ADAM17: variants seen among roughly 807,000 people sequenced by gnomAD.
ADAM17 encodes the protein ADAM metallopeptidase domain 17.
In ADAM17, 39 loss-of-function variants were observed where a neutral mutation model predicts 96.7. The ratio of observed to expected loss-of-function variants is 0.40; its 90% CI spans 0.31 to 0.53. The LOEUF is 0.53. Among genes scored for constraint, ADAM17 ranks in the 20% least tolerant of loss-of-function variants. The pLI is 0.44. For synonymous variants in ADAM17, 344 were observed against 359.2 expected, an observed-to-expected ratio of 0.96 and a Z score of 0.48; for missense variants, 777 against 1,013.2, an observed-to-expected ratio of 0.77 and a Z score of 3.17.
intron 12 of ADAM17, 134 bp downstream of exon 12, chr2:9,505,032 A>C (rs1663300605): frequency 6.0e-6 from 6 of 1,005,056 alleles, no homozygotes; most frequent in Non-Finnish European, 8.8e-6. Flanking sequence ...TGTGAAGGGC[A>C]AAAGAGGTAG....
intron 14 of ADAM17, among the ~76,000 whole-genome samples, chr2:9,495,207 G>A (rs932159292): frequency 6.6e-6 from 1 of 152,184 alleles, no homozygotes; most frequent in Non-Finnish European, 1.5e-5. Context: ...GTCCACCCTT[G>A]GGTGGGGAGC....
rs1662343244 is a variant in ADAM17 at position 9,493,746 on chromosome 2, C to T, written c.1993+1G>A. The T allele has an allele frequency of 6.2e-7, 1 of 1,613,056 alleles. No individual in the cohort carries two copies. The highest frequency in any genetic ancestry group is 8.5e-7 in the Non-Finnish European group (1 of 1,179,212). ...GTAAGTAATCTGGGGAAATCACCTA[C>T]CAAAAGTATTGATGCTCAGCTGGTC... On this transcript the variant is annotated splice_donor_variant, in intron 16 of 18. Coordinates refer to ENST00000310823, the MANE Select transcript of ADAM17 (RefSeq NM_003183.6). LOFTEE classifies it high-confidence loss of function.
chr2:9,491,189 A>G, intron 17 of ADAM17, 38 bp from the exon 18 acceptor site: 1 of 1,580,764 alleles, frequency 6.3e-7, no homozygotes, highest in Non-Finnish European at 8.7e-7. Context: ...CCCTACAAAT[A>G]CAATTCAGTT....
chr2:9,533,515 C>G (rs886472884), intron 4 of ADAM17, among the ~76,000 whole-genome samples: 1 of 152,160 alleles, frequency 6.6e-6, no homozygotes, highest in Non-Finnish European at 1.5e-5. Context: ...CCACTGCACT[C>G]CAGCCTGGTA....
chr2:9,509,138 C>T (rs747310655), intron 11 of ADAM17, among the ~76,000 whole-genome samples: 3 of 152,164 alleles, frequency 2.0e-5, no homozygotes, highest in Non-Finnish European at 4.4e-5. Context: ...CACAGCCAAG[C>T]TCAAAATAGG....
At chr2:9,529,029 C>T (rs1664635395) in intron 4 of ADAM17, among the ~76,000 whole-genome samples, 1 of 152,130 alleles carries the variant, frequency 6.6e-6, no homozygotes, top group Admixed American at 6.5e-5. Context: ...CCATCAACAA[C>T]TAATCAATGA....
chr2:9,552,081 T>C (rs1354122947), intron 1 of ADAM17, among the ~76,000 whole-genome samples: 1 of 152,222 alleles, frequency 6.6e-6, no homozygotes, highest in Non-Finnish European at 1.5e-5. Flanking sequence ...AACCCATATA[T>C]GAAAAGCCTT....
At chr2:9,555,288 T>TG (rs1665705372) in intron 1 of ADAM17, among the ~76,000 whole-genome samples, 1 of 152,192 alleles carries the variant, frequency 6.6e-6, no homozygotes, top group Non-Finnish European at 1.5e-5. Context: ...AGTCACTACA[T>TG]GGAGCCCGTC....
chr2:9,533,076 C>A (rs528305412), intron 4 of ADAM17, among the ~76,000 whole-genome samples: 1 of 151,916 alleles, frequency 6.6e-6, no homozygotes, highest in Non-Finnish European at 1.5e-5. Context: ...GTAATTCCAG[C>A]TACTCAAGGG....
intron 15 of ADAM17, 109 bp from the exon 16 acceptor site, chr2:9,493,934 C>A: frequency 2.3e-6 from 2 of 873,398 alleles, no homozygotes; most frequent in South Asian, 1.8e-5. Flanking sequence ...TAAAATCAAA[C>A]GTTTTCCCAT....
chr2:9,526,709 T>G (rs564966249), intron 5 of ADAM17, among the ~76,000 whole-genome samples: 4 of 152,170 alleles, frequency 2.6e-5, no homozygotes, highest in Admixed American at 2.0e-4. Context: ...GGCAGGAGAA[T>G]CACTTCAACC....
In ADAM17 at chr2:9,532,170, T is replaced by C. The variant is rs748773971; in HGVS notation, c.450+3664A>G. On this transcript the variant is annotated intron_variant, in intron 4 of 18. Transcript: ENST00000310823. ...ATATATATTTTTTCCTGCTCACTTA[T>C]ATTCCTAAGATATTAGTGCAGATAG... is the stretch of plus-strand genomic sequence containing the variant. Among the ~76,000 whole-genome samples the C allele has an allele frequency of 7.2e-5, 11 of 152,216 alleles. 1 individual carries two copies. The highest frequency in any genetic ancestry group is 1.3e-4 in the Non-Finnish European group (9 of 68,042).
intron 4 of ADAM17, among the ~76,000 whole-genome samples, chr2:9,534,679 G>A (rs1268593710): frequency 1.3e-5 from 2 of 151,968 alleles, no homozygotes; most frequent in East Asian, 3.9e-4. Context: ...AAAATAGTGG[G>A]TATAACTATA....
intron 10 of ADAM17, among the ~76,000 whole-genome samples, chr2:9,514,893 C>A (rs563494599): frequency 2.8e-4 from 43 of 152,112 alleles, no homozygotes; most frequent in Admixed American, 9.8e-4. Flanking sequence ...AAAGGAGGAT[C>A]TCGCTAAGTT....
intron 1 of ADAM17, among the ~76,000 whole-genome samples, chr2:9,545,756 G>A (rs1665381553): frequency 1.3e-5 from 2 of 152,052 alleles, no homozygotes; most frequent in Non-Finnish European, 2.9e-5. Context: ...CAAAGACAGG[G>A]GAAAAAATCT....
intron 1 of ADAM17, among the ~76,000 whole-genome samples, chr2:9,544,071 A>G (rs990887146): frequency 3.3e-5 from 5 of 152,154 alleles, no homozygotes; most frequent in African/African-American, 1.2e-4. Context: ...ACAACTGCCA[A>G]GAGACACCCC....
At chr2:9,504,461 T>A (rs1449895398) in intron 12 of ADAM17, among the ~76,000 whole-genome samples, 10 of 127,118 alleles carry the variant, frequency 7.9e-5, no homozygotes, top group Non-Finnish European at 1.2e-4. Context: ...ATAAATAAAT[T>A]AAATTAAATA....
chr2:9,533,286 C>T (rs1664825586), intron 4 of ADAM17, among the ~76,000 whole-genome samples: 1 of 151,858 alleles, frequency 6.6e-6, no homozygotes, highest in Non-Finnish European at 1.5e-5. Context: ...CAGTGGCTCA[C>T]GCCTTTAATC....
chr2:9,520,979 AAAAAAAAGG>A (rs1664283967), intron 8 of ADAM17, among the ~76,000 whole-genome samples: 1 of 147,168 alleles, frequency 6.8e-6, no homozygotes, highest in Non-Finnish European at 1.5e-5. Context: ...AAAAAAAAAA[AAAAAAAAGG>A]AAGCATTGCT....
Sources: gnomAD v4.1 joint callset for allele counts (sites outside exome capture counted in the v4.1 genomes callset) on GRCh38, gnomAD v4.1.1 for gene constraint, MANE v1.5 for transcripts, NCBI Gene and HGNC (gene_info 2026-07-23, HGNC 2026-07-21) for gene names.